The following ME1 variants were observed in gnomAD, a reference collection of about 807,000 sequenced individuals.
The protein encoded by ME1 is NADP-dependent malic enzyme.
A neutral mutation model predicts 66.4 loss-of-function variants in ME1; 74 were observed. The ratio of observed to expected loss-of-function variants is 1.11; its 90% CI spans 0.92 to 1.35. The LOEUF (loss-of-function observed/expected upper bound fraction) is 1.35, where lower values mean the gene tolerates loss of function less well. Among genes scored for constraint, ME1 ranks in the 40% most tolerant of loss-of-function variants. The pLI is 0.00. For missense variants in ME1, 750 were observed against 694.1 expected, an observed-to-expected ratio of 1.08 and a Z score of -0.90; for synonymous variants, 251 against 235.6, an observed-to-expected ratio of 1.07 and a Z score of -0.60.
At chr6:83,333,831 C>A (rs1047201513) in intron 5 of ME1, among the ~76,000 whole-genome samples, 8 of 152,102 alleles carry the variant, frequency 5.3e-5, no homozygotes, top group Admixed American at 6.5e-5. Flanking sequence ...ATACAACACA[C>A]CTTGATCAGT....
chr6:83,393,279 C>CAACAG, intron 3 of ME1: 1 of 1,212,308 alleles, frequency 8.2e-7, no homozygotes, highest in East Asian at 2.3e-5. Flanking sequence ...CCCACTCTTC[C>CAACAG]ACCTTCGATG....
intron 10 of ME1, 122 bp from the exon 11 acceptor site, chr6:83,227,599 A>C (rs1285064408): frequency 2.6e-6 from 2 of 774,852 alleles, no homozygotes; most frequent in African/African-American, 3.5e-5. Flanking sequence ...ACAAAATGCT[A>C]TATAAACTAT....
intron 1 of ME1, among the ~76,000 whole-genome samples, chr6:83,412,474 G>A (rs1770070632): frequency 6.6e-6 from 1 of 152,112 alleles, no homozygotes; most frequent in Non-Finnish European, 1.5e-5. Context: ...ACTAACTAAT[G>A]ATTAATTAAT....
intron 6 of ME1, among the ~76,000 whole-genome samples, chr6:83,311,340 A>C (rs1354353955): frequency 6.6e-6 from 1 of 152,192 alleles, no homozygotes; most frequent in Admixed American, 6.5e-5. Context: ...GGGAGAGCTT[A>C]CTGATTTGCA....
At chr6:83,310,623 A>C (rs976262265) in intron 6 of ME1, among the ~76,000 whole-genome samples, 1 of 152,130 alleles carries the variant, frequency 6.6e-6, no homozygotes, top group African/African-American at 2.4e-5. Flanking sequence ...CCAAGGTAGC[A>C]GTCCAACTAT....
rs561133253 is a variant in ME1 at position 83,396,744 on chromosome 6, C to T, written c.362+1623G>A. Among the ~76,000 whole-genome samples, 3 of 149,564 alleles carry T rather than the reference C, an allele frequency of 2.0e-5. No homozygotes were observed. In the East Asian group the frequency reaches 5.8e-4, roughly 29 times the overall value. On this transcript the variant is annotated intron_variant, in intron 3 of 13. Transcript: ENST00000369705. ...AAATATACTGTTAAGTTATGGTAAT[C>T]ACAACGGCATGGTACCAGTATAAAA... is the stretch of plus-strand genomic sequence containing the variant.
chr6:83,259,122 T>G (rs1766835130), intron 6 of ME1, among the ~76,000 whole-genome samples: 1 of 152,172 alleles, frequency 6.6e-6, no homozygotes, highest in Non-Finnish European at 1.5e-5. Context: ...TGAGATATAG[T>G]AAAATGTTTT....
intron 1 of ME1, among the ~76,000 whole-genome samples, chr6:83,416,686 C>T (rs1054525504): frequency 2.0e-5 from 3 of 151,820 alleles, no homozygotes; most frequent in Non-Finnish European, 2.9e-5. Context: ...CTCAGGAGTG[C>T]GAGACCAGCC....
chr6:83,295,813 C>T (rs1488421454), intron 6 of ME1, among the ~76,000 whole-genome samples: 1 of 152,076 alleles, frequency 6.6e-6, no homozygotes. Flanking sequence ...CAAATAAACA[C>T]AATTAGACGC....
chr6:83,414,852 T>C (rs926483540), intron 1 of ME1, among the ~76,000 whole-genome samples: 16 of 152,218 alleles, frequency 1.1e-4, no homozygotes, highest in African/African-American at 3.4e-4. Context: ...AGCACTATTT[T>C]ATCATAACAA....
chr6:83,301,152 A>G (rs915959331), intron 6 of ME1, among the ~76,000 whole-genome samples: 5 of 151,644 alleles, frequency 3.3e-5, no homozygotes, highest in African/African-American at 1.2e-4. Context: ...ACATGTAACA[A>G]ACCTGCACGT....
chr6:83,216,375 C>A, intron 13 of ME1, 123 bp downstream of exon 13: 1 of 738,550 alleles, frequency 1.4e-6, no homozygotes, highest in Non-Finnish European at 2.3e-6. Flanking sequence ...ATTTCTCTGA[C>A]TTCTGACATA....
chr6:83,418,803 C>T (rs561472099), intron 1 of ME1, among the ~76,000 whole-genome samples: 194 of 152,182 alleles, frequency 1.3e-3, no homozygotes, highest in African/African-American at 4.5e-3. Flanking sequence ...ATAACTATAA[C>T]AATTGTGATA....
At chr6:83,392,548 T>C (rs1289338835) in intron 3 of ME1, 3 of 548,290 alleles carry the variant, frequency 5.5e-6, no homozygotes, top group Middle Eastern at 5.9e-4. Context: ...CAACACTGTC[T>C]ACATGTTCCA....
chr6:83,280,765 C>T (rs1386682501), intron 6 of ME1, among the ~76,000 whole-genome samples: 1 of 152,124 alleles, frequency 6.6e-6, no homozygotes, highest in Admixed American at 6.5e-5. Flanking sequence ...TGTGTCTCAC[C>T]ATGAACATAT....
intron 6 of ME1, among the ~76,000 whole-genome samples, chr6:83,272,687 G>A (rs1457207303): frequency 6.6e-6 from 1 of 152,110 alleles, no homozygotes; most frequent in Non-Finnish European, 1.5e-5. Context: ...CTAAATGCAA[G>A]ATAAAGCTTC....
Position 83,228,252 on chromosome 6 carries a change from G to A in ME1, c.1132+574C>T, listed in dbSNP as rs937866226. On this transcript the variant is annotated intron_variant, in intron 10 of 13. Coordinates refer to ENST00000369705, the MANE Select transcript of ME1 (RefSeq NM_002395.6). ...TAAGTACTGTATTAAGTGCTATAAG[G>A]AAAATAAAGATTTGTGAGATGTGAT... Among the ~76,000 whole-genome samples, 7 of 152,280 alleles carry A rather than the reference G, an allele frequency of 4.6e-5. 1 individual carries two copies. Among genetic ancestry groups the A allele is most frequent in the African/African-American group, 1.7e-4 (7 of 41,570 alleles).
At chr6:83,349,666 A>G (rs1768761722) in intron 4 of ME1, among the ~76,000 whole-genome samples, 2 of 152,160 alleles carry the variant, frequency 1.3e-5, no homozygotes, top group South Asian at 4.1e-4. Context: ...AACTATTCTA[A>G]AATCTGTTTC....
At chr6:83,413,023 T>C (rs770254851) in intron 1 of ME1, among the ~76,000 whole-genome samples, 61 of 152,210 alleles carry the variant, frequency 4.0e-4, no homozygotes, top group Non-Finnish European at 8.4e-4. Flanking sequence ...ATATTCTCTT[T>C]ACTTAAAAAG....
Sources: allele counts gnomAD v4.1 joint callset (sites outside exome capture counted in the v4.1 genomes callset), GRCh38; gene constraint gnomAD v4.1.1; transcripts MANE v1.5; gene names NCBI Gene and HGNC (gene_info 2026-07-23, HGNC 2026-07-21).